LHFPL3: variants seen among roughly 807,000 people sequenced by gnomAD.
LHFPL3 encodes LHFPL tetraspan subfamily member 3 protein.
A neutral mutation model predicts 19.3 loss-of-function variants in LHFPL3; 5 were observed. The observed-to-expected ratio is 0.26, with a 90% CI of 0.14 to 0.54. LHFPL3 has a LOEUF of 0.54. LHFPL3 is among the 20% of genes least tolerant of loss of function. LHFPL3 has a pLI of 0.94. For missense variants in LHFPL3, 249 were observed against 307.4 expected (o/e 0.81, Z 1.42); for synonymous variants, 133 against 126.2 (o/e 1.05, Z -0.36).
At chr7:104,886,459 G>A (rs959173858) in intron 2 of LHFPL3, among the ~76,000 whole-genome samples, 13 of 152,108 alleles carry the variant, frequency 8.5e-5, no homozygotes, top group Admixed American at 7.2e-4. Context: ...CCGCCACCTG[G>A]GTTCAAGCAA....
chr7:104,342,904 G>A (rs888304914), intron 1 of LHFPL3, among the ~76,000 whole-genome samples: 3 of 152,076 alleles, frequency 2.0e-5, no homozygotes, highest in Admixed American at 1.3e-4. Flanking sequence ...CACACATAGT[G>A]TGCAGAGAAC....
At chr7:104,824,630 ATAT>A (rs1361183376) in intron 2 of LHFPL3, among the ~76,000 whole-genome samples, 64 of 85,880 alleles carry the variant, frequency 7.5e-4, no homozygotes, top group African/African-American at 3.1e-3. Flanking sequence ...TATTTTATAT[ATAT>A]TATTTTATAT....
At chr7:104,807,954 C>T (rs181370713) in intron 2 of LHFPL3, among the ~76,000 whole-genome samples, 195 of 152,306 alleles carry the variant, frequency 1.3e-3, no homozygotes, top group African/African-American at 4.4e-3. Context: ...GTGCATTCAA[C>T]GGGAGTGTTT....
At chr7:104,473,006 A>G (rs1003918135) in intron 1 of LHFPL3, among the ~76,000 whole-genome samples, 2 of 152,232 alleles carry the variant, frequency 1.3e-5, no homozygotes, top group African/African-American at 4.8e-5. Flanking sequence ...TGATACTAAT[A>G]AAAGAAATTC....
intron 1 of LHFPL3, among the ~76,000 whole-genome samples, chr7:104,682,861 A>T (rs1792733484): frequency 6.6e-6 from 1 of 152,364 alleles, no homozygotes; most frequent in East Asian, 1.9e-4. Context: ...TTTATATATG[A>T]CTATAAAAGC....
chr7:104,898,137 G>C (rs560694305), intron 2 of LHFPL3, among the ~76,000 whole-genome samples: 31 of 148,280 alleles, frequency 2.1e-4, no homozygotes, highest in African/African-American at 7.7e-4. Flanking sequence ...AGCCTCCCTA[G>C]TAGCTGGGAT....
At position 104,692,278 on chromosome 7, in the gene LHFPL3, A is replaced by C. The variant is rs188062205; in HGVS notation, c.446-44397A>C. Among the ~76,000 whole-genome samples, 645 of 152,308 alleles carry C rather than the reference A, an allele frequency of 4.2e-3. 1 individual carries two copies. The highest frequency in any genetic ancestry group is 7.0e-3 in the Non-Finnish European group (479 of 68,020). ...CTGATGATGTGATAGAAAAGAAAAA[A>C]CCCATTTTTTGAGAAGAAATTTAAG... On this transcript the variant is annotated intron_variant, in intron 1 of 2. Transcript: ENST00000424859.
At chr7:104,503,199 G>A (rs1793634359) in intron 1 of LHFPL3, among the ~76,000 whole-genome samples, 1 of 151,748 alleles carries the variant, frequency 6.6e-6, no homozygotes, top group African/African-American at 2.4e-5. Context: ...TACTAAGAAG[G>A]TATAAAAAGA....
intron 1 of LHFPL3, among the ~76,000 whole-genome samples, chr7:104,628,813 A>G (rs1339743101): frequency 1.3e-5 from 2 of 152,134 alleles, no homozygotes; most frequent in Non-Finnish European, 2.9e-5. Flanking sequence ...ACTGACTCCG[A>G]TTCTCCTCTC....
intron 1 of LHFPL3, among the ~76,000 whole-genome samples, chr7:104,364,023 G>T (rs770481555): frequency 6.6e-6 from 1 of 152,186 alleles, no homozygotes; most frequent in Non-Finnish European, 1.5e-5. Flanking sequence ...ATAAACAAGT[G>T]CTGCAGCTGA....
At chr7:104,449,309 T>C (rs575076353) in intron 1 of LHFPL3, among the ~76,000 whole-genome samples, 1 of 152,348 alleles carries the variant, frequency 6.6e-6, no homozygotes, top group East Asian at 1.9e-4. Context: ...CTTGGCACAC[T>C]GTGCTGCTAG....
At chr7:104,771,642 C>T (rs1439963823) in intron 2 of LHFPL3, among the ~76,000 whole-genome samples, 3 of 151,194 alleles carry the variant, frequency 2.0e-5, no homozygotes, top group South Asian at 4.2e-4. Context: ...GATATTTTGG[C>T]TCTATTTTGT....
intron 1 of LHFPL3, among the ~76,000 whole-genome samples, chr7:104,488,084 CTGGCAA>C (rs1793271395): frequency 6.6e-6 from 1 of 152,172 alleles, no homozygotes; most frequent in African/African-American, 2.4e-5. Flanking sequence ...GCAAACTCTA[CTGGCAA>C]TGGGACTCTT....
At chr7:104,382,576 G>T (rs576491097) in intron 1 of LHFPL3, among the ~76,000 whole-genome samples, 1 of 152,270 alleles carries the variant, frequency 6.6e-6, no homozygotes, top group African/African-American at 2.4e-5. Flanking sequence ...GGATTTAATT[G>T]TTCTAGAATG....
chr7:104,461,892 G>A (rs748574628), intron 1 of LHFPL3, among the ~76,000 whole-genome samples: 1 of 152,146 alleles, frequency 6.6e-6, no homozygotes, highest in Non-Finnish European at 1.5e-5. Flanking sequence ...AGCATGGAAT[G>A]TTTTTTCCAT....
At chr7:104,836,375 G>A (rs552254083) in intron 2 of LHFPL3, among the ~76,000 whole-genome samples, 1 of 152,322 alleles carries the variant, frequency 6.6e-6, no homozygotes, top group African/African-American at 2.4e-5. Context: ...AAGGTACTCC[G>A]TGGCTGTCTT....
intron 2 of LHFPL3, among the ~76,000 whole-genome samples, chr7:104,746,010 G>A (rs1341748323): frequency 6.6e-6 from 1 of 152,126 alleles, no homozygotes; most frequent in East Asian, 1.9e-4. Flanking sequence ...TCACCTGGGG[G>A]AGATTTAAAA....
intron 2 of LHFPL3, among the ~76,000 whole-genome samples, chr7:104,763,121 A>ATC (rs1374589491): frequency 2.0e-5 from 3 of 152,232 alleles, no homozygotes; most frequent in African/African-American, 7.2e-5. Flanking sequence ...TTCTATAATC[A>ATC]TCTCATTTCA....
At chr7:104,330,482 T>G (rs775405200) in intron 1 of LHFPL3, among the ~76,000 whole-genome samples, 3 of 152,200 alleles carry the variant, frequency 2.0e-5, no homozygotes, top group Non-Finnish European at 4.4e-5. Flanking sequence ...TACTTAAAGG[T>G]GCTGGACAAT....
Sources: gnomAD v4.1 joint callset for allele counts (sites outside exome capture counted in the v4.1 genomes callset) on GRCh38, gnomAD v4.1.1 for gene constraint, MANE v1.5 for transcripts, NCBI Gene and HGNC (gene_info 2026-07-23, HGNC 2026-07-21) for gene names.